FGF14: variants seen among roughly 807,000 people sequenced by gnomAD.
The protein encoded by FGF14 is fibroblast growth factor homologous factor 4.
A neutral mutation model predicts 25.5 loss-of-function variants in FGF14; 5 were observed. The observed-to-expected ratio is 0.20, with a 90% CI of 0.10 to 0.41. FGF14 has a LOEUF of 0.41. Among genes scored for constraint, FGF14 ranks in the 10% least tolerant of loss-of-function variants. The pLI is 1.00. For synonymous variants in FGF14, 138 were observed against 118.3 expected (o/e 1.17, Z -1.08); for missense variants, 222 against 320.1 (o/e 0.69, Z 2.34).
At chr13:101,732,260 G>A (rs556258052) in intron 3 of FGF14, among the ~76,000 whole-genome samples, 125 of 152,184 alleles carry the variant, frequency 8.2e-4, no homozygotes, top group African/African-American at 3.0e-3. Context: ...TGAAAATTAT[G>A]TTTTTGTTAA....
intron 1 of FGF14, among the ~76,000 whole-genome samples, chr13:102,318,352 G>A (rs1329881141): frequency 2.0e-5 from 3 of 152,176 alleles, no homozygotes; most frequent in Admixed American, 2.0e-4. Flanking sequence ...TGGGCACTCA[G>A]ATGTATTTGT....
intron 1 of FGF14, among the ~76,000 whole-genome samples, chr13:102,151,657 C>A (rs1332409169): frequency 6.6e-6 from 1 of 151,996 alleles, no homozygotes; most frequent in Admixed American, 6.6e-5. Flanking sequence ...TGCCACCATG[C>A]CCGGCTAATT....
At chr13:101,893,835 T>C (rs2138916478) in intron 1 of FGF14, among the ~76,000 whole-genome samples, 1 of 152,168 alleles carries the variant, frequency 6.6e-6, no homozygotes. Context: ...TTTATGTTCT[T>C]TCAAGCCATT....
At chr13:102,076,802 AC>A (rs2043384230) in intron 1 of FGF14, among the ~76,000 whole-genome samples, 1 of 152,084 alleles carries the variant, frequency 6.6e-6, no homozygotes, top group Non-Finnish European at 1.5e-5. Context: ...CCACAAAAGA[AC>A]CCTGAATAAC....
chr13:101,859,151 T>C (rs762376621), intron 3 of FGF14, among the ~76,000 whole-genome samples: 6 of 152,150 alleles, frequency 3.9e-5, no homozygotes, highest in Non-Finnish European at 8.8e-5. Context: ...GCACAGTACA[T>C]TTCATGAACA....
intron 1 of FGF14, among the ~76,000 whole-genome samples, chr13:102,179,670 G>A (rs72647404): frequency 0.029 from 4,458 of 152,226 alleles, 80 homozygotes; most frequent in South Asian, 0.044. Flanking sequence ...TGAAGTAGCA[G>A]ATCCCAAATT....
chr13:102,093,394 A>G (rs2044255335), intron 1 of FGF14, among the ~76,000 whole-genome samples: 1 of 152,196 alleles, frequency 6.6e-6, no homozygotes, highest in Non-Finnish European at 1.5e-5. Context: ...GCAGTATTAA[A>G]TTATAACTGC....
intron 1 of FGF14, among the ~76,000 whole-genome samples, chr13:102,246,455 C>T (rs1401405937): frequency 1.3e-5 from 2 of 152,016 alleles, no homozygotes; most frequent in South Asian, 2.1e-4. Flanking sequence ...TATATCCCAA[C>T]GCCATGCAAA....
intron 3 of FGF14, among the ~76,000 whole-genome samples, chr13:101,859,680 T>C (rs1001453122): frequency 6.6e-6 from 1 of 152,088 alleles, no homozygotes; most frequent in African/African-American, 2.4e-5. Context: ...GTCGTATGGT[T>C]TTGGTTGTAG....
intron 1 of FGF14, among the ~76,000 whole-genome samples, chr13:101,914,234 T>C (rs2033244834): frequency 6.6e-6 from 1 of 151,124 alleles, no homozygotes; most frequent in Non-Finnish European, 1.5e-5. Flanking sequence ...TATAAAAGCA[T>C]ACTATTATAT....
intron 1 of FGF14, among the ~76,000 whole-genome samples, chr13:101,956,494 G>C (rs1253851245): frequency 6.6e-6 from 1 of 152,134 alleles, no homozygotes; most frequent in Non-Finnish European, 1.5e-5. Flanking sequence ...GAGACTGGTA[G>C]TTTATTGCTG....
chr13:101,868,556 T>C, intron 3 of FGF14, 169 bp downstream of exon 3: 8 of 649,296 alleles, frequency 1.2e-5, no homozygotes, highest in South Asian at 1.1e-4. Context: ...AAACTCATAT[T>C]ACTAAACACT....
intron 1 of FGF14, among the ~76,000 whole-genome samples, chr13:102,095,119 C>A (rs79181669): frequency 1.3e-5 from 2 of 151,978 alleles, no homozygotes; most frequent in Non-Finnish European, 2.9e-5. Context: ...AAATTCCTGC[C>A]GGAGGAAACT....
At chr13:101,792,415 T>C (rs2040290824) in intron 3 of FGF14, among the ~76,000 whole-genome samples, 1 of 152,100 alleles carries the variant, frequency 6.6e-6, no homozygotes, top group South Asian at 2.1e-4. Flanking sequence ...ATGTCACAAC[T>C]CATCACTGCC....
chr13:101,987,178 A>G lies in FGF14; in HGVS notation c.209-111882T>C, dbSNP rs114711571. On this transcript the variant is annotated intron_variant, in intron 1 of 4. Transcript: ENST00000376131. ...CTTTTTAAAACAAGGTTCAGATTAT[A>G]TCACATTTCTATTAAAAATCTTCCA... Among the ~76,000 whole-genome samples, 126 of 152,168 alleles carry G rather than the reference A, an allele frequency of 8.3e-4. 1 individual carries two copies. The highest frequency in any genetic ancestry group is 3.4e-3 in the Middle Eastern group (1 of 294).
intron 1 of FGF14, among the ~76,000 whole-genome samples, chr13:102,060,301 G>C (rs1449542756): frequency 6.6e-6 from 1 of 152,160 alleles, no homozygotes; most frequent in Non-Finnish European, 1.5e-5. Flanking sequence ...TGAGGCCGGG[G>C]GATCATGAGG....
At chr13:102,053,789 T>C (rs1420879823) in intron 1 of FGF14, among the ~76,000 whole-genome samples, 1 of 152,098 alleles carries the variant, frequency 6.6e-6, no homozygotes, top group Non-Finnish European at 1.5e-5. Flanking sequence ...AGCTGGGATT[T>C]TGGAATGATT....
intron 1 of FGF14, among the ~76,000 whole-genome samples, chr13:102,181,766 T>C (rs1471871888): frequency 1.3e-5 from 2 of 152,168 alleles, no homozygotes; most frequent in Non-Finnish European, 2.9e-5. Flanking sequence ...GGATCCATAG[T>C]AGTGCATAAC....
chr13:101,932,717 C>T (rs1317454640), intron 1 of FGF14, among the ~76,000 whole-genome samples: 1 of 141,528 alleles, frequency 7.1e-6, no homozygotes, highest in Admixed American at 7.2e-5. Context: ...GTTGCCCCTA[C>T]ACACTTTTGA....
Sources: gnomAD v4.1 joint callset for allele counts (sites outside exome capture counted in the v4.1 genomes callset) on GRCh38, gnomAD v4.1.1 for gene constraint, MANE v1.5 for transcripts, NCBI Gene and HGNC (gene_info 2026-07-23, HGNC 2026-07-21) for gene names.